The following LRRC4C variants were observed in gnomAD, a reference collection of about 807,000 sequenced individuals.
The protein encoded by LRRC4C is leucine-rich repeat-containing protein 4C.
LRRC4C carries 5 observed loss-of-function variants against 33.6 expected under a neutral mutation model. The observed-to-expected ratio is 0.15, with a 90% CI of 0.08 to 0.31. LRRC4C has a LOEUF of 0.31. LRRC4C is among the 10% of genes least tolerant of loss of function. The probability of loss-of-function intolerance (pLI) is 1.00; values close to 1 mark genes in which losing one functional copy is unlikely to be tolerated. For synonymous variants in LRRC4C, 329 were observed against 302.0 expected (o/e 1.09, Z -0.93); for missense variants, 560 against 796.7 (o/e 0.70, Z 3.58).
rs557768010 is a variant in LRRC4C, at chr11:41,013,211, T to C, written c.-495-79488A>G. The stretch of plus-strand genomic sequence containing the variant: ...CATTCAGTGCCTAGCAATTGAGCTA[T>C]TGAGCTTAACTGAATCCGTGGACTC... On this transcript the variant is annotated intron_variant, in intron 1 of 6. Transcript: ENST00000528697. Among the ~76,000 whole-genome samples the C allele has an allele frequency of 5.3e-5, 8 of 152,358 alleles. No individual in the cohort carries two copies. In the South Asian group the frequency reaches 1.7e-3, roughly 32 times the overall value.
At chr11:41,036,609 A>C (rs1857084060) in intron 1 of LRRC4C, among the ~76,000 whole-genome samples, 1 of 152,026 alleles carries the variant, frequency 6.6e-6, no homozygotes, top group Admixed American at 6.6e-5. Flanking sequence ...CATCAGACTG[A>C]GGTTCAAATT....
At chr11:41,288,921 A>AT (rs10557057) in intron 1 of LRRC4C, among the ~76,000 whole-genome samples, 27 of 151,164 alleles carry the variant, frequency 1.8e-4, no homozygotes, top group African/African-American at 4.4e-4. Context: ...ATGAACCTTT[A>AT]TTTTTTTTTT....
intron 1 of LRRC4C, among the ~76,000 whole-genome samples, chr11:41,155,705 T>C (rs1402337159): frequency 1.3e-5 from 2 of 152,148 alleles, no homozygotes; most frequent in Admixed American, 1.3e-4. Context: ...ATAGATACTT[T>C]TGGTTTTGCA....
At chr11:40,830,085 C>T (rs927193120) in intron 2 of LRRC4C, among the ~76,000 whole-genome samples, 10 of 151,722 alleles carry the variant, frequency 6.6e-5, no homozygotes, top group Non-Finnish European at 1.3e-4. Flanking sequence ...TGTTTAGAGG[C>T]CTTAAGGAAT....
chr11:40,245,021 T>C (rs1280163183), intron 4 of LRRC4C, among the ~76,000 whole-genome samples: 3 of 152,214 alleles, frequency 2.0e-5, no homozygotes, highest in African/African-American at 7.2e-5. Flanking sequence ...TATTCAGCAG[T>C]TGAGCAGTTC....
At chr11:40,463,014 C>G (rs563543712) in intron 3 of LRRC4C, among the ~76,000 whole-genome samples, 1 of 152,140 alleles carries the variant, frequency 6.6e-6, no homozygotes, top group South Asian at 2.1e-4. Flanking sequence ...TAGTCACCAA[C>G]AAGTCCTACG....
chr11:41,328,944 C>T (rs905343897), intron 1 of LRRC4C, among the ~76,000 whole-genome samples: 7 of 152,140 alleles, frequency 4.6e-5, no homozygotes, highest in Non-Finnish European at 8.8e-5. Flanking sequence ...AAAATTCACA[C>T]GTGAGTGTTA....
intron 3 of LRRC4C, among the ~76,000 whole-genome samples, chr11:40,633,604 G>A (rs1261775050): frequency 1.3e-5 from 2 of 151,780 alleles, no homozygotes; most frequent in African/African-American, 2.4e-5. Flanking sequence ...GGCCAGGCTG[G>A]TCTCGAACTC....
chr11:40,876,345 G>C (rs12285936), intron 2 of LRRC4C, among the ~76,000 whole-genome samples: 1 of 134,708 alleles, frequency 7.4e-6, no homozygotes, highest in Non-Finnish European at 1.5e-5. Flanking sequence ...CCAGCTAAGA[G>C]AAAGAAGATC....
intron 3 of LRRC4C, among the ~76,000 whole-genome samples, chr11:40,526,012 C>A (rs1956032882): frequency 6.6e-6 from 1 of 151,910 alleles, no homozygotes; most frequent in Admixed American, 6.6e-5. Context: ...ATAAACACTA[C>A]TAGGTCAATA....
At chr11:40,332,424 C>G (rs966689333) in intron 3 of LRRC4C, among the ~76,000 whole-genome samples, 2 of 152,032 alleles carry the variant, frequency 1.3e-5, no homozygotes, top group South Asian at 2.1e-4. Flanking sequence ...GAGTTAGGGC[C>G]CACCTAAATC....
At position 40,114,447 on chromosome 11, in the gene LRRC4C, A is replaced by G. The variant is rs1855262216; in HGVS notation, c.1846T>C (p.Ser616Pro). 6.2e-7 allele frequency: 1 copy of G among 1,613,844 alleles called. No individual in the cohort carries two copies. Among genetic ancestry groups the G allele is most frequent in the South Asian group, 1.1e-5 (1 of 91,066 alleles). Residue 616 changes from serine to proline, a missense_variant, in exon 7 of 7, where the codon TCA (serine) becomes CCA (proline). This residue lies in a region of LRRC4C where 103 missense variants were observed against 132.1 expected (regional missense o/e 0.78). Coordinates refer to ENST00000528697, the MANE Select transcript of LRRC4C (RefSeq NM_001258419.2). The part of the protein sequence containing the change: ...NHTTTVNTIN[S>P]IHSSVHEPLL... ...GGTTCATGCACTGAACTGTGTATTG[A>G]ATTTATTGTGTTAACTGTTGTTGTG...
intron 1 of LRRC4C, among the ~76,000 whole-genome samples, chr11:40,954,792 A>G (rs1190556601): frequency 6.6e-6 from 1 of 151,704 alleles, no homozygotes; most frequent in Admixed American, 6.6e-5. Flanking sequence ...CACCATTTGC[A>G]ATTTCTTCTC....
intron 1 of LRRC4C, among the ~76,000 whole-genome samples, chr11:40,935,926 C>T (rs978056503): frequency 1.4e-5 from 2 of 147,632 alleles, no homozygotes; most frequent in African/African-American, 2.5e-5. Context: ...ACACATTCTC[C>T]ATCTTTAAAG....
At chr11:40,667,168 T>G (rs1171771427) in intron 2 of LRRC4C, among the ~76,000 whole-genome samples, 1 of 152,234 alleles carries the variant, frequency 6.6e-6, no homozygotes, top group African/African-American at 2.4e-5. Context: ...AATTATTTAG[T>G]GTTTTTACAC....
At chr11:40,691,171 C>T (rs897178231) in intron 2 of LRRC4C, among the ~76,000 whole-genome samples, 6 of 151,722 alleles carry the variant, frequency 4.0e-5, no homozygotes, top group Non-Finnish European at 5.9e-5. Flanking sequence ...CAAAACCAAC[C>T]AAATTAATTT....
At chr11:40,427,093 C>A (rs1950744821) in intron 3 of LRRC4C, among the ~76,000 whole-genome samples, 1 of 152,022 alleles carries the variant, frequency 6.6e-6, no homozygotes, top group Non-Finnish European at 1.5e-5. Context: ...ACAGAAGAGA[C>A]AGGAAAAACA....
At chr11:41,254,056 G>A (rs924600103) in intron 1 of LRRC4C, among the ~76,000 whole-genome samples, 3 of 151,792 alleles carry the variant, frequency 2.0e-5, no homozygotes, top group African/African-American at 7.3e-5. Context: ...ATATATATAC[G>A]ACCTAGTAAG....
rs1855380443 is a variant in LRRC4C at position 40,115,723 on chromosome 11, T to C, written c.570A>G (p.Glu190=). The C allele has an allele frequency of 6.2e-7, 1 of 1,614,162 alleles. No homozygotes were observed. Residue 190 remains glutamate (E), a synonymous_variant, in exon 7 of 7, where the codon GAA becomes GAG. Coordinates refer to ENST00000528697, the MANE Select transcript of LRRC4C (RefSeq NM_001258419.2). This position sits in a 1 kb window ranked among gnomAD's most constrained non-coding sequence, Gnocchi z 6.7. ...GELKRLSYIS[E]GAFEGLSNLR... ...AGTTGGACAGACCTTCAAAGGCACCTTCTGAGATGTATGAAAGTCTTTTCA... is the reference window on the plus strand; with the variant it reads ...AGTTGGACAGACCTTCAAAGGCACCCTCTGAGATGTATGAAAGTCTTTTCA...
Sources: gnomAD v4.1 joint callset for allele counts (sites outside exome capture counted in the v4.1 genomes callset) on GRCh38, gnomAD v4.1.1 for gene constraint, gnomAD v4.1.1 regional missense constraint, Gnocchi (gnomAD v3.1) non-coding constraint, MANE v1.5 for transcripts, NCBI Gene and HGNC (gene_info 2026-07-23, HGNC 2026-07-21) for gene names.